SLC39A10: variants seen among roughly 807,000 people sequenced by gnomAD.
SLC39A10 encodes the protein solute carrier family 39 member 10, also known as zinc transporter ZIP10.
In SLC39A10, 13 loss-of-function variants were observed where a neutral mutation model predicts 65.1. The ratio of observed to expected loss-of-function variants is 0.20; its 90% confidence interval spans 0.13 to 0.32. The LOEUF (loss-of-function observed/expected upper bound fraction) is 0.32. SLC39A10 is among the 10% of genes least tolerant of loss of function. The pLI is 1.00. For synonymous variants in SLC39A10, 321 were observed against 342.2 expected (o/e 0.94, Z 0.68); for missense variants, 831 against 1,018.4 (o/e 0.82, Z 2.50).
chr2:195,661,916 G>C (rs1689415476), intron 1 of SLC39A10, among the ~76,000 whole-genome samples: 1 of 152,114 alleles, frequency 6.6e-6, no homozygotes, highest in Non-Finnish European at 1.5e-5. Flanking sequence ...TTTAGATACT[G>C]CTGAAAGGGA....
intron 2 of SLC39A10, among the ~76,000 whole-genome samples, chr2:195,642,529 G>A (rs1688832304): frequency 6.6e-6 from 1 of 152,182 alleles, no homozygotes; most frequent in Admixed American, 6.5e-5. Flanking sequence ...CGTAACATTT[G>A]CATGTGAAAC....
chr2:195,713,456 A>G lies in SLC39A10; in HGVS notation c.1599A>G (p.Lys533=), dbSNP rs779134818. The G allele has an allele frequency of 7.0e-6, 11 of 1,567,710 alleles. No individual in the cohort carries two copies. The highest frequency in any genetic ancestry group is 2.2e-5 in the Admixed American group (1 of 45,540). ...QQRGKQKWFM[K]QNTEESTIGR... Reference sequence around the variant, plus strand: ...AGGGAAAACAGAAATGGTTTATGAAACAGAACACAGAAGAATCAACTATTG... The same window carrying G: ...AGGGAAAACAGAAATGGTTTATGAAGCAGAACACAGAAGAATCAACTATTG... Residue 533 remains lysine, a synonymous_variant, in exon 6 of 10, where the codon AAA becomes AAG. Transcript: ENST00000359634.
intron 2 of SLC39A10, among the ~76,000 whole-genome samples, chr2:195,682,175 G>A (rs2105773457): frequency 6.6e-6 from 1 of 152,134 alleles, no homozygotes; most frequent in South Asian, 2.1e-4. Flanking sequence ...TTGATTCCTT[G>A]TTTATTCTAT....
chr2:195,661,212 A>G (rs1427425065), intron 1 of SLC39A10, among the ~76,000 whole-genome samples: 1 of 152,144 alleles, frequency 6.6e-6, no homozygotes, highest in Non-Finnish European at 1.5e-5. Flanking sequence ...TATTTAGATT[A>G]TTGCAATATC....
At chr2:195,643,649 G>A (rs1688853309) in intron 2 of SLC39A10, among the ~76,000 whole-genome samples, 1 of 152,190 alleles carries the variant, frequency 6.6e-6, no homozygotes, top group Admixed American at 6.5e-5. Context: ...GGGGTTGGAT[G>A]AGGGAGATGA....
intron 2 of SLC39A10, among the ~76,000 whole-genome samples, chr2:195,635,725 T>C (rs1171365082): frequency 7.0e-6 from 1 of 143,668 alleles, no homozygotes; most frequent in Non-Finnish European, 1.5e-5. Flanking sequence ...TTTTTTTTAC[T>C]TGAAAGACTG....
At chr2:195,734,451 C>T (rs915125157) in intron 9 of SLC39A10, among the ~76,000 whole-genome samples, 2 of 152,164 alleles carry the variant, frequency 1.3e-5, no homozygotes, top group Non-Finnish European at 2.9e-5. Flanking sequence ...CGTGAGCCAC[C>T]GTGCCCGGCC....
At chr2:195,678,551 T>C (rs1690180615) in intron 1 of SLC39A10, among the ~76,000 whole-genome samples, 1 of 150,562 alleles carries the variant, frequency 6.6e-6, no homozygotes, top group Non-Finnish European at 1.5e-5. Flanking sequence ...GCAGCCTGCC[T>C]TTTTAGTTAG....
chr2:195,684,997 C>G (rs1690471818), intron 3 of SLC39A10, among the ~76,000 whole-genome samples: 1 of 152,156 alleles, frequency 6.6e-6, no homozygotes, highest in African/African-American at 2.4e-5. Context: ...TAATGTTACT[C>G]TTCCCAGTAA....
At chr2:195,623,939 ACCG>A (rs1688405039) in intron 2 of SLC39A10, among the ~76,000 whole-genome samples, 2 of 140,942 alleles carry the variant, frequency 1.4e-5, no homozygotes, top group Non-Finnish European at 3.1e-5. Flanking sequence ...ACACACACAC[ACCG>A]TCTTAGATAT....
In SLC39A10 at chr2:195,680,207, T is replaced by C; in HGVS notation, c.165T>C (p.Ala55=). ...AGCCAAGCAAATTTTCAAAGCAAGC[T>C]GCTGAAAATGAAAAAAAATACTATA... ...ELEPSKFSKQ[A]AENEKKYYIE... Residue 55 remains alanine, a synonymous_variant, in exon 2 of 10, where the codon GCT becomes GCC. Transcript: ENST00000359634. 1 of 1,614,018 alleles carries C rather than the reference T, an allele frequency of 6.2e-7. No individual in the cohort carries two copies. Among genetic ancestry groups the C allele is most frequent in the Non-Finnish European group, 8.5e-7 (1 of 1,180,008 alleles).
At chr2:195,657,572 C>T (rs1294659681) in intron 1 of SLC39A10, 8 of 983,670 alleles carry the variant, frequency 8.1e-6, no homozygotes, top group Non-Finnish European at 9.7e-6. Context: ...ATCCACTTCG[C>T]GTGCGGAGCC....
chr2:195,727,407 G>A (rs142876555), intron 8 of SLC39A10, among the ~76,000 whole-genome samples: 67 of 152,224 alleles, frequency 4.4e-4, no homozygotes, highest in Middle Eastern at 3.4e-3. Flanking sequence ...CAGCATTGTC[G>A]ATGCTCTTCG....
intron 2 of SLC39A10, among the ~76,000 whole-genome samples, chr2:195,625,282 T>A: frequency 6.8e-6 from 1 of 146,384 alleles, no homozygotes; most frequent in Non-Finnish European, 1.5e-5. Context: ...TCTTTTTTTT[T>A]CTTTTTTTTT....
intron 3 of SLC39A10, among the ~76,000 whole-genome samples, chr2:195,686,422 G>T (rs773055452): frequency 6.6e-6 from 1 of 151,960 alleles, no homozygotes; most frequent in Non-Finnish European, 1.5e-5. Context: ...ATGGTGGTGC[G>T]GCCTGTAGTC....
intron 2 of SLC39A10, among the ~76,000 whole-genome samples, chr2:195,629,236 A>G (rs1027396385): frequency 1.3e-5 from 2 of 151,960 alleles, no homozygotes; most frequent in Non-Finnish European, 2.9e-5. Context: ...ATACACACAC[A>G]CACACAAATT....
At chr2:195,678,287 C>T (rs921592821) in intron 1 of SLC39A10, among the ~76,000 whole-genome samples, 1 of 152,042 alleles carries the variant, frequency 6.6e-6, no homozygotes, top group Non-Finnish European at 1.5e-5. Context: ...TTGATATTGG[C>T]AGTATTTTAT....
chr2:195,625,569 G>T (rs1186801196), intron 2 of SLC39A10, among the ~76,000 whole-genome samples: 4 of 152,000 alleles, frequency 2.6e-5, no homozygotes, highest in South Asian at 4.1e-4. Flanking sequence ...GAGCCACTGC[G>T]CCCAGCCTGA....
chr2:195,695,278 C>A (rs1246436107), intron 3 of SLC39A10, among the ~76,000 whole-genome samples: 1 of 152,142 alleles, frequency 6.6e-6, no homozygotes, highest in Admixed American at 6.5e-5. Context: ...CTTCCTGTGG[C>A]CGCTGTGGGG....
Sources: allele counts gnomAD v4.1 joint callset (sites outside exome capture counted in the v4.1 genomes callset), GRCh38; gene constraint gnomAD v4.1.1; transcripts MANE v1.5; gene names NCBI Gene and HGNC (gene_info 2026-07-23, HGNC 2026-07-21).